The following PACRG variants were observed in gnomAD, a reference collection of about 807,000 sequenced individuals.
The protein encoded by PACRG is parkin coregulated, also known as parkin coregulated gene protein.
A neutral mutation model predicts 29.7 loss-of-function variants in PACRG; 29 were observed. The ratio of observed to expected loss-of-function variants is 0.98; its 90% CI spans 0.73 to 1.33. PACRG has a LOEUF of 1.33. PACRG is among the 40% of genes most tolerant of loss of function. The pLI, the probability that PACRG is intolerant of heterozygous loss-of-function variation, is 0.00. For missense variants in PACRG, 279 were observed against 316.2 expected (o/e 0.88, Z 0.89); for synonymous variants, 116 against 118.7 (o/e 0.98, Z 0.15).
intron 4 of PACRG, among the ~76,000 whole-genome samples, chr6:163,234,576 A>G (rs996639100): frequency 2.0e-5 from 3 of 152,186 alleles, no homozygotes; most frequent in Non-Finnish European, 4.4e-5. Context: ...GCATTCCTTT[A>G]TAGCAGCCCC....
chr6:162,914,501 C>CTTT (rs1584744159), intron 2 of PACRG, among the ~76,000 whole-genome samples: 2 of 73,222 alleles, frequency 2.7e-5, no homozygotes, highest in Admixed American at 1.7e-4. Context: ...AAGTTTTGTA[C>CTTT]TTTTTTGTTT....
chr6:163,104,822 T>A (rs1020541946), intron 4 of PACRG, among the ~76,000 whole-genome samples: 1 of 152,166 alleles, frequency 6.6e-6, no homozygotes, highest in Non-Finnish European at 1.5e-5. Flanking sequence ...GGTAAACACA[T>A]TAAAAATTGC....
intron 2 of PACRG, among the ~76,000 whole-genome samples, chr6:162,876,341 G>A (rs1793352147): frequency 1.3e-5 from 2 of 152,186 alleles, no homozygotes; most frequent in Non-Finnish European, 2.9e-5. Flanking sequence ...TAATAATACA[G>A]GAGAGAATAT....
At chr6:163,144,793 A>T (rs749195136) in intron 4 of PACRG, among the ~76,000 whole-genome samples, 42 of 152,278 alleles carry the variant, frequency 2.8e-4, no homozygotes, top group Non-Finnish European at 5.4e-4. Flanking sequence ...GTAAGCACAG[A>T]TATAAGCATT....
At position 163,077,353 on chromosome 6, in the gene PACRG, CG is replaced by C. The variant is rs535790110; in HGVS notation, c.464-11904del. On this transcript the variant is annotated intron_variant, in intron 3 of 4. Coordinates refer to ENST00000366888, the MANE Select transcript of PACRG (RefSeq NM_001080379.2). ...CTTTACAAATAGACGGGCCATAACA[CG>C]GTGGCTTCATTAGGAGAGCTCTAAC... Among the ~76,000 whole-genome samples the C allele has an allele frequency of 2.9e-4, 44 of 152,216 alleles. No individual in the cohort carries two copies. The Middle Eastern group carries it at 0.01, about 35-fold the overall frequency.
chr6:162,882,096 G>T (rs1318938573), intron 2 of PACRG, among the ~76,000 whole-genome samples: 2 of 138,202 alleles, frequency 1.4e-5, no homozygotes, highest in Non-Finnish European at 3.1e-5. Flanking sequence ...CGGGGTGGGG[G>T]GGCGCACTCT....
intron 2 of PACRG, among the ~76,000 whole-genome samples, chr6:162,944,039 G>A (rs777277053): frequency 5.3e-5 from 8 of 152,118 alleles, no homozygotes; most frequent in East Asian, 1.9e-4. Context: ...TCCTGCTAGC[G>A]CTAGTACCAG....
At chr6:162,882,849 C>T (rs1584645822) in intron 2 of PACRG, among the ~76,000 whole-genome samples, 1 of 152,228 alleles carries the variant, frequency 6.6e-6, no homozygotes, top group South Asian at 2.1e-4. Context: ...CCCACTTTAG[C>T]AGGCTTACCC....
At chr6:163,220,255 A>C (rs1309041305) in intron 4 of PACRG, among the ~76,000 whole-genome samples, 1 of 152,108 alleles carries the variant, frequency 6.6e-6, no homozygotes, top group South Asian at 2.1e-4. Flanking sequence ...CCATCTTTTT[A>C]GTAATTATGC....
At chr6:162,900,414 C>T (rs1237275763) in intron 2 of PACRG, among the ~76,000 whole-genome samples, 1 of 152,192 alleles carries the variant, frequency 6.6e-6, no homozygotes, top group Non-Finnish European at 1.5e-5. Flanking sequence ...GTGCAAGACT[C>T]AACTCCCGTC....
chr6:163,247,532 A>G (rs984342985), intron 4 of PACRG, among the ~76,000 whole-genome samples: 2 of 152,222 alleles, frequency 1.3e-5, no homozygotes, highest in African/African-American at 2.4e-5. Context: ...AGGAGTTGGT[A>G]TTGAGCAGAA....
intron 2 of PACRG, among the ~76,000 whole-genome samples, chr6:163,012,572 C>A (rs184799110): frequency 2.1e-4 from 32 of 152,372 alleles, no homozygotes; most frequent in African/African-American, 7.2e-4. Flanking sequence ...CAGGTGCTTT[C>A]TCATTGTCAT....
rs189855124 is a variant in PACRG at position 162,929,401 on chromosome 6, T to C, written c.291+115120T>C. ...AAGTCTTCTTTGGAGAAATGTCTAT[T>C]GGATCTTCTGCCCATTTTTAAATTG... On this transcript the variant is annotated intron_variant, in intron 2 of 4. Coordinates refer to ENST00000366888, the MANE Select transcript of PACRG (RefSeq NM_001080379.2). Among the ~76,000 whole-genome samples the C allele has an allele frequency of 2.7e-3, 415 of 152,142 alleles. 2 individuals carry two copies. The highest frequency in any genetic ancestry group is 4.5e-3 in the Non-Finnish European group (304 of 67,912).
chr6:163,187,945 C>T (rs1218127117), intron 4 of PACRG: 1 of 152,140 alleles, frequency 6.6e-6, no homozygotes, highest in African/African-American at 2.4e-5. Context: ...TAAGTCAATA[C>T]CAAATAAATT....
intron 4 of PACRG, among the ~76,000 whole-genome samples, chr6:163,209,520 CA>C (rs1781050652): frequency 6.6e-6 from 1 of 152,166 alleles, no homozygotes; most frequent in African/African-American, 2.4e-5. Context: ...TTAATATTGA[CA>C]GGTTATGCTA....
chr6:163,129,178 T>TG (rs34981811), intron 4 of PACRG, among the ~76,000 whole-genome samples: 5 of 152,196 alleles, frequency 3.3e-5, no homozygotes, highest in African/African-American at 7.2e-5. Flanking sequence ...TAAATGAGAA[T>TG]GGGGGGGAAG....
chr6:162,856,626 T>C (rs1218112807), intron 2 of PACRG, among the ~76,000 whole-genome samples: 2 of 152,200 alleles, frequency 1.3e-5, no homozygotes, highest in African/African-American at 4.8e-5. Context: ...GGTAAAGGTC[T>C]TGAAGGAGCA....
intron 2 of PACRG, among the ~76,000 whole-genome samples, chr6:163,026,920 G>A (rs892644151): frequency 1.3e-5 from 2 of 152,188 alleles, no homozygotes; most frequent in Admixed American, 1.3e-4. Context: ...TGTCTTTTGG[G>A]ATTGTATTCA....
intron 2 of PACRG, among the ~76,000 whole-genome samples, chr6:162,902,393 A>G (rs983806468): frequency 5.3e-5 from 8 of 152,354 alleles, no homozygotes; most frequent in Non-Finnish European, 8.8e-5. Flanking sequence ...GCCTTAAAAT[A>G]CTATAGTTTA....
Sources: allele counts gnomAD v4.1 joint callset (sites outside exome capture counted in the v4.1 genomes callset), GRCh38; gene constraint gnomAD v4.1.1; transcripts MANE v1.5; gene names NCBI Gene and HGNC (gene_info 2026-07-23, HGNC 2026-07-21).